Variants in DOCK8 observed in about 807,000 individuals in gnomAD.
DOCK8 encodes dedicator of cytokinesis protein 8.
Under a neutral mutation model 245.6 loss-of-function variants are expected in DOCK8, and 141 were observed. The observed-to-expected ratio is 0.57, with a 90% CI of 0.50 to 0.66. The LOEUF is 0.66. Among genes scored for constraint, DOCK8 ranks in the 30% least tolerant of loss-of-function variants. The pLI, the probability that DOCK8 is intolerant of heterozygous loss-of-function variation, is 0.00. For synonymous variants in DOCK8, 1,168 were observed against 970.2 expected (o/e 1.20, Z -3.79); for missense variants, 2,965 against 2,603.4 (o/e 1.14, Z -3.02).
chr9:460,151 A>AT (rs2131955504), intron 46 of DOCK8: 1 of 152,012 alleles, frequency 6.6e-6, no homozygotes, highest in Admixed American at 6.5e-5. Context: ...CCCATTTTCC[A>AT]GAGAAAATTG....
At chr9:249,004 G>T (rs1333428464) in intron 1 of DOCK8, among the ~76,000 whole-genome samples, 4 of 152,208 alleles carry the variant, frequency 2.6e-5, no homozygotes, top group Admixed American at 2.0e-4. Context: ...ACCACAGACA[G>T]GTAGTGGGAG....
chr9:419,090 G>A (rs1004527046), intron 30 of DOCK8, among the ~76,000 whole-genome samples: 1 of 152,158 alleles, frequency 6.6e-6, no homozygotes, highest in Non-Finnish European at 1.5e-5. Context: ...TCATTGATGA[G>A]CTCTGACTAT....
At chr9:450,213 C>T (rs1325397685) in intron 45 of DOCK8, among the ~76,000 whole-genome samples, 5 of 152,138 alleles carry the variant, frequency 3.3e-5, no homozygotes, top group Admixed American at 2.0e-4. Flanking sequence ...CCAGACCTGA[C>T]AATATGATGC....
At chr9:423,955 A>G (rs116739037) in intron 33 of DOCK8, among the ~76,000 whole-genome samples, 93 of 152,184 alleles carry the variant, frequency 6.1e-4, no homozygotes, top group African/African-American at 2.1e-3. Context: ...CTTACCACGC[A>G]TGGCCTACCG....
chr9:333,346 A>G lies in DOCK8; in HGVS notation c.1125+868A>G, dbSNP rs1268290520. ...GCCGGGCGTGGTGGCTCACACCTGT[A>G]ATCCCAGCACTTTGGGAGGCCAAGG... On this transcript the variant is annotated intron_variant, in intron 10 of 47. Transcript: ENST00000432829. Among the ~76,000 whole-genome samples, 3 of 152,266 alleles carry G rather than the reference A, an allele frequency of 2.0e-5. No homozygotes were observed. In the East Asian group the frequency reaches 5.8e-4, roughly 29 times the overall value.
chr9:226,867 A>T (rs908516942), intron 1 of DOCK8, among the ~76,000 whole-genome samples: 2 of 152,246 alleles, frequency 1.3e-5, no homozygotes, highest in African/African-American at 4.8e-5. Flanking sequence ...AATACCAAAC[A>T]TATTTTTACA....
At chr9:316,511 T>C (rs532008363) in intron 6 of DOCK8, among the ~76,000 whole-genome samples, 1 of 152,328 alleles carries the variant, frequency 6.6e-6, no homozygotes, top group African/African-American at 2.4e-5. Context: ...CTAGAACTTG[T>C]CAATTCAACC....
At chr9:438,549 A>G (rs1045488026) in intron 39 of DOCK8, among the ~76,000 whole-genome samples, 1 of 152,220 alleles carries the variant, frequency 6.6e-6, no homozygotes. Flanking sequence ...GAGCGGGTAC[A>G]AGATCAGTAC....
intron 1 of DOCK8, among the ~76,000 whole-genome samples, chr9:232,747 C>T (rs2047146080): frequency 6.6e-6 from 1 of 152,078 alleles, no homozygotes; most frequent in African/African-American, 2.4e-5. Context: ...GTGATATCCC[C>T]TTTATCATTT....
At position 429,724 on chromosome 9, in the gene DOCK8, A is replaced by G; in HGVS notation, c.4496A>G (p.Glu1499Gly). The G allele has an allele frequency of 6.2e-7, 1 of 1,614,214 alleles. No homozygotes were observed. The highest frequency in any genetic ancestry group is 8.5e-7 in the Non-Finnish European group (1 of 1,180,042). Residue 1499 changes from glutamate to glycine, a missense_variant, in exon 36 of 48, where the codon GAG (glutamate) becomes GGG (glycine). By Grantham distance (98) the Glu-to-Gly change is moderately conservative (BLOSUM62 -2). This residue lies in a region of DOCK8 where 2,825 missense variants were observed against 2,453.5 expected (regional missense o/e 1.15). Coordinates refer to ENST00000432829, the MANE Select transcript of DOCK8 (RefSeq NM_203447.4). ...IAKFGDLLFE[E>G]EVEQCFDLCH... ...TAGTTTGGAGACTTACTCTTTGAAG[A>G]GGAGGTGGAACAGTGTTTCGACCTA...
intron 46 of DOCK8, chr9:452,920 T>A (rs972485240): frequency 1.3e-5 from 2 of 152,204 alleles, no homozygotes; most frequent in Admixed American, 6.5e-5. Context: ...CCTAAAAATA[T>A]GAGTATGAAG....
At chr9:233,484 G>C (rs542356518) in intron 1 of DOCK8, among the ~76,000 whole-genome samples, 2 of 152,206 alleles carry the variant, frequency 1.3e-5, no homozygotes, top group South Asian at 4.1e-4. Context: ...TCTGTCTAAT[G>C]TTGACAGTGG....
rs1430069906 is a variant in DOCK8, at chr9:376,295, T to A, written c.2195T>A (p.Val732Glu). The part of the protein sequence containing the change: ...FNIEVQAVSS[V>E]HTQDNHLEKF... ...ATTGAAGTGCAAGCTGTTTCTTCTG[T>A]ACACACCCAGGTAAGGAATGTCAAG... Residue 732 changes from valine to glutamate, a missense_variant, in exon 19 of 48, where the codon GTA becomes GAA. Physicochemically the swap from Val to Glu is moderately radical, Grantham distance 121 (BLOSUM62 -2). Transcript: ENST00000432829. 6.2e-7 allele frequency: 1 copy of A among 1,610,114 alleles called. No individual in the cohort carries two copies. Among genetic ancestry groups the A allele is most frequent in the South Asian group, 1.1e-5 (1 of 90,996 alleles).
chr9:428,339 A>G (rs762698252), intron 34 of DOCK8, 23 bp from the exon 35 acceptor site: 2 of 1,613,988 alleles, frequency 1.2e-6, no homozygotes, highest in Admixed American at 3.3e-5. Context: ...GGATTCAATG[A>G]TGCTGTTCTT....
intron 1 of DOCK8, among the ~76,000 whole-genome samples, chr9:239,341 T>C (rs2047331045): frequency 6.6e-6 from 1 of 152,224 alleles, no homozygotes; most frequent in South Asian, 2.1e-4. Flanking sequence ...CTGAAAGATA[T>C]GGTAGATACA....
Position 271,652 on chromosome 9 carries a change from C to A in DOCK8, c.79C>A (p.Gln27Lys), listed in dbSNP as rs748215543. The change falls in exon 2 of 48, where the codon CAG (glutamine) becomes AAG (lysine). Residue 27 changes from glutamine (Q) to lysine (K), a missense_variant. By Grantham distance (53) the Gln-to-Lys change is moderately conservative (BLOSUM62 1). This residue lies in a region of DOCK8 where 2,825 missense variants were observed against 2,453.5 expected (regional missense o/e 1.15). Coordinates refer to ENST00000432829, the MANE Select transcript of DOCK8 (RefSeq NM_203447.4). ...GTATTCTTCAGCGGAAATAAGGAAA[C>A]AGTTTACTCTCCCACCAAACCTTGG... ...NRYSSAEIRK[Q>K]FTLPPNLGQY... 8 of 1,550,970 alleles carry A rather than the reference C, an allele frequency of 5.2e-6. No individual in the cohort carries two copies. Among genetic ancestry groups the A allele is most frequent in the Non-Finnish European group, 1.7e-6 (2 of 1,146,438 alleles).
chr9:464,317 T>A lies in DOCK8; in HGVS notation c.*98T>A. 1.0e-6 allele frequency: 1 copy of A among 1,001,474 alleles called. No individual in the cohort carries two copies. The highest frequency in any genetic ancestry group is 1.6e-6 in the Non-Finnish European group (1 of 622,458). The allele number at this position is 1,001,474 out of a possible 1,614,324, so 62.0% of individuals were successfully genotyped here. On this transcript the variant is annotated 3_prime_UTR_variant, in exon 48 of 48. Transcript: ENST00000432829. ...GGGACATTTGCCACCCAGGACTGAC[T>A]GTACACTCCCTGATCAGCCAGCACT...
At chr9:334,737 G>A (rs759300185) in intron 11 of DOCK8, among the ~76,000 whole-genome samples, 9 of 151,736 alleles carry the variant, frequency 5.9e-5, no homozygotes, top group East Asian at 3.9e-4. Context: ...CACCATGGTC[G>A]ACTCCTAAAC....
chr9:430,759 A>G (rs957646781), intron 36 of DOCK8, among the ~76,000 whole-genome samples: 5 of 152,218 alleles, frequency 3.3e-5, no homozygotes, highest in Non-Finnish European at 7.3e-5. Flanking sequence ...ACAGGTTAGA[A>G]TTCAGAAGAG....
Sources: allele counts gnomAD v4.1 joint callset (sites outside exome capture counted in the v4.1 genomes callset), GRCh38; gene constraint gnomAD v4.1.1; regional missense constraint gnomAD v4.1.1; transcripts MANE v1.5; gene names NCBI Gene and HGNC (gene_info 2026-07-23, HGNC 2026-07-21).